ADAMTSL1: variants seen among roughly 807,000 people sequenced by gnomAD.
ADAMTSL1 encodes the protein ADAMTS-like protein 1.
ADAMTSL1 carries 126 observed loss-of-function variants against 201.8 expected under a neutral mutation model. The observed-to-expected ratio is 0.62, with a 90% CI of 0.54 to 0.72. The LOEUF (loss-of-function observed/expected upper bound fraction) is 0.72. Among genes scored for constraint, ADAMTSL1 ranks in the 30% least tolerant of loss-of-function variants. The probability of loss-of-function intolerance (pLI) is 0.00; values close to 1 mark genes in which losing one functional copy is unlikely to be tolerated. For synonymous variants in ADAMTSL1, 1,121 were observed against 903.4 expected (o/e 1.24, Z -4.32); for missense variants, 2,679 against 2,277.8 (o/e 1.18, Z -3.59).
chr9:18,779,048 C>T (rs1821228564), intron 19 of ADAMTSL1, among the ~76,000 whole-genome samples: 1 of 152,234 alleles, frequency 6.6e-6, no homozygotes, highest in African/African-American at 2.4e-5. Flanking sequence ...TTGTTCCAGG[C>T]ACTATGCCAA....
intron 2 of ADAMTSL1, among the ~76,000 whole-genome samples, chr9:18,453,204 T>C (rs1237847842): frequency 1.3e-5 from 2 of 152,118 alleles, no homozygotes; most frequent in Non-Finnish European, 2.9e-5. Context: ...GCTTGGGCTA[T>C]AGCAAGGGTG....
intron 16 of ADAMTSL1, among the ~76,000 whole-genome samples, chr9:18,766,071 T>G (rs1281969455): frequency 1.3e-5 from 2 of 151,744 alleles, no homozygotes; most frequent in Non-Finnish European, 2.9e-5. Flanking sequence ...AAAGTCTGGC[T>G]GGAGTACACA....
chr9:18,824,001 AAAGG>A (rs1373472637), intron 21 of ADAMTSL1, among the ~76,000 whole-genome samples: 3 of 151,856 alleles, frequency 2.0e-5, no homozygotes, highest in Admixed American at 6.6e-5. Context: ...ATAAGAAAGA[AAAGG>A]AAGGAAGGAA....
intron 2 of ADAMTSL1, among the ~76,000 whole-genome samples, chr9:18,424,802 G>C (rs2133376246): frequency 6.6e-6 from 1 of 152,246 alleles, no homozygotes; most frequent in Non-Finnish European, 1.5e-5. Context: ...GGTTTTGTGA[G>C]GAAGTGTTCT....
intron 1 of ADAMTSL1, among the ~76,000 whole-genome samples, chr9:18,040,519 G>T (rs1821386369): frequency 6.6e-6 from 1 of 152,190 alleles, no homozygotes; most frequent in Non-Finnish European, 1.5e-5. Context: ...TATACATTAT[G>T]TGTAGACGAA....
At chr9:18,381,305 A>G (rs894525745) in intron 2 of ADAMTSL1, among the ~76,000 whole-genome samples, 3 of 152,190 alleles carry the variant, frequency 2.0e-5, no homozygotes, top group Non-Finnish European at 4.4e-5. Flanking sequence ...TTCTTACAGT[A>G]TAATAGTAAT....
chr9:18,628,451 A>G (rs1826535868), intron 5 of ADAMTSL1, among the ~76,000 whole-genome samples: 1 of 152,166 alleles, frequency 6.6e-6, no homozygotes, highest in South Asian at 2.1e-4. Flanking sequence ...CCCTTCATCA[A>G]TACTCCATTT....
chr9:18,570,153 G>C (rs1822200809), intron 3 of ADAMTSL1, among the ~76,000 whole-genome samples: 1 of 151,536 alleles, frequency 6.6e-6, no homozygotes, highest in Non-Finnish European at 1.5e-5. Context: ...GAGTCCAAGG[G>C]TTCCAGACCT....
chr9:18,226,113 A>G (rs935364801), intron 2 of ADAMTSL1, among the ~76,000 whole-genome samples: 3 of 152,194 alleles, frequency 2.0e-5, no homozygotes, highest in African/African-American at 7.2e-5. Context: ...GTAAAGTGGT[A>G]GGTCCAACTA....
intron 2 of ADAMTSL1, among the ~76,000 whole-genome samples, chr9:18,351,264 A>T (rs73643247): frequency 1.3e-5 from 2 of 149,254 alleles, no homozygotes; most frequent in African/African-American, 2.5e-5. Context: ...AAAAAAAAAA[A>T]GAAAAAAAAA....
At chr9:18,226,585 A>C (rs1351461056) in intron 2 of ADAMTSL1, among the ~76,000 whole-genome samples, 1 of 151,974 alleles carries the variant, frequency 6.6e-6, no homozygotes, top group Admixed American at 6.6e-5. Context: ...CTTCCTTCTC[A>C]TGATTCTGAT....
At chr9:18,879,566 C>T (rs1399074291) in intron 23 of ADAMTSL1, among the ~76,000 whole-genome samples, 2 of 152,190 alleles carry the variant, frequency 1.3e-5, no homozygotes, top group African/African-American at 4.8e-5. Context: ...GTTATGTTTA[C>T]ACTATATTGT....
rs145671456 is a variant in ADAMTSL1, at chr9:18,822,846, G to A, written c.3935-3438G>A. Among the ~76,000 whole-genome samples the A allele has an allele frequency of 9.2e-5, 14 of 152,282 alleles. No homozygotes were observed. The East Asian group carries it at 2.7e-3, about 29-fold the overall frequency. Reference sequence around the variant, plus strand: ...TTTGCATGTCTCAGTACACTCCGATGTTGAGGTATTCTGAACATCAGTATT... The same window carrying A: ...TTTGCATGTCTCAGTACACTCCGATATTGAGGTATTCTGAACATCAGTATT... On this transcript the variant is annotated intron_variant, in intron 21 of 28. Coordinates refer to ENST00000380548, the MANE Select transcript of ADAMTSL1 (RefSeq NM_001040272.6).
At chr9:18,320,609 C>G (rs1362135048) in intron 2 of ADAMTSL1, among the ~76,000 whole-genome samples, 1 of 152,126 alleles carries the variant, frequency 6.6e-6, no homozygotes, top group Non-Finnish European at 1.5e-5. Flanking sequence ...AGACAGTTTT[C>G]TAAATTTCTT....
intron 1 of ADAMTSL1, among the ~76,000 whole-genome samples, chr9:18,483,332 T>C (rs1587340787): frequency 1.3e-5 from 2 of 152,252 alleles, no homozygotes; most frequent in South Asian, 4.1e-4. Flanking sequence ...AGGATCCAGA[T>C]ACTGGAATCT....
chr9:18,094,261 C>T (rs1824147018), intron 1 of ADAMTSL1, among the ~76,000 whole-genome samples: 1 of 152,164 alleles, frequency 6.6e-6, no homozygotes, highest in Non-Finnish European at 1.5e-5. Context: ...GGAGAAGAAA[C>T]CTTTCTGCAG....
intron 23 of ADAMTSL1, among the ~76,000 whole-genome samples, chr9:18,834,715 T>C (rs1588194246): frequency 6.6e-6 from 1 of 152,154 alleles, no homozygotes; most frequent in African/African-American, 2.4e-5. Context: ...TATAGAATGG[T>C]ATAGAAAAGG....
At chr9:18,892,652 C>G (rs1476866882) in intron 26 of ADAMTSL1, 56 bp downstream of exon 26, 3 of 1,517,622 alleles carry the variant, frequency 2.0e-6, no homozygotes, top group Non-Finnish European at 2.7e-6. Flanking sequence ...ATGGACCCTG[C>G]CACAGTAGGA....
In ADAMTSL1 at chr9:18,775,751, A is replaced by G; in HGVS notation, c.2406A>G (p.Thr802=). 1 of 1,612,976 alleles carries G rather than the reference A, an allele frequency of 6.2e-7. No homozygotes were observed. The highest frequency in any genetic ancestry group is 1.3e-5 in the African/African-American group (1 of 75,046). The change falls in exon 18 of 29, where the codon ACA becomes ACG. Residue 802 remains threonine, a synonymous_variant. Coordinates refer to ENST00000380548, the MANE Select transcript of ADAMTSL1 (RefSeq NM_001040272.6). ...WLLSDWTECS[T]SCGEGTQTRS... ...CTTTCTTTCTCCACCAGTGTTCCACAAGCTGCGGGGAAGGCACCCAGACTC... is the reference window on the plus strand; with the variant it reads ...CTTTCTTTCTCCACCAGTGTTCCACGAGCTGCGGGGAAGGCACCCAGACTC...
Sources: allele counts gnomAD v4.1 joint callset (sites outside exome capture counted in the v4.1 genomes callset), GRCh38; gene constraint gnomAD v4.1.1; transcripts MANE v1.5; gene names NCBI Gene and HGNC (gene_info 2026-07-23, HGNC 2026-07-21).